The following FOXN3 variants were observed in gnomAD, a reference collection of about 807,000 sequenced individuals.
FOXN3 encodes the protein forkhead box N3, also known as forkhead box protein N3.
A neutral mutation model predicts 38.4 loss-of-function variants in FOXN3; 7 were observed. The observed-to-expected ratio is 0.18, with a 90% CI of 0.10 to 0.34. The LOEUF (loss-of-function observed/expected upper bound fraction) is 0.34. Ranked by LOEUF, FOXN3 falls within the 10% of genes least tolerant of loss-of-function variation. The pLI, the probability that FOXN3 is intolerant of heterozygous loss-of-function variation, is 1.00. For synonymous variants in FOXN3, 230 were observed against 242.2 expected, an observed-to-expected ratio of 0.95 and a Z score of 0.47; for missense variants, 456 against 613.4, an observed-to-expected ratio of 0.74 and a Z score of 2.71.
At chr14:89,166,661 GACATAA>G (rs1887250200) in intron 5 of FOXN3, among the ~76,000 whole-genome samples, 1 of 152,216 alleles carries the variant, frequency 6.6e-6, no homozygotes, top group Non-Finnish European at 1.5e-5. Context: ...CAGGTACACA[GACATAA>G]CTTCAGGGAG....
At chr14:89,457,536 G>T (rs1317435695) in intron 1 of FOXN3, among the ~76,000 whole-genome samples, 1 of 152,142 alleles carries the variant, frequency 6.6e-6, no homozygotes, top group African/African-American at 2.4e-5. Flanking sequence ...GACAATGGGG[G>T]ACAACAATAG....
At chr14:89,245,166 C>T (rs1283174139) in intron 4 of FOXN3, among the ~76,000 whole-genome samples, 1 of 152,014 alleles carries the variant, frequency 6.6e-6, no homozygotes, top group Non-Finnish European at 1.5e-5. Context: ...AAAAGGAATG[C>T]TAAAACGTGA....
chr14:89,173,550 T>A (rs1266186549), intron 5 of FOXN3, among the ~76,000 whole-genome samples: 3 of 152,078 alleles, frequency 2.0e-5, no homozygotes, highest in East Asian at 1.9e-4. Flanking sequence ...ATGTCTTTTT[T>A]AAAAAAATGA....
intron 3 of FOXN3, among the ~76,000 whole-genome samples, chr14:89,297,144 TA>T (rs534268876): frequency 4.3e-4 from 65 of 152,174 alleles, no homozygotes; most frequent in African/African-American, 1.5e-3. Context: ...GAAAGGCAAG[TA>T]AAGGGAAAAG....
At position 89,346,496 on chromosome 14, in the gene FOXN3, A is replaced by G. The variant is rs552883372; in HGVS notation, c.680+4176T>C. On this transcript the variant is annotated intron_variant, in intron 3 of 5. Transcript: ENST00000557258. ...AATGTCCCTGCTGAAGGACAAAATC[A>G]TTGTTTGATGTTTTTCCCATGACTA... Among the ~76,000 whole-genome samples the G allele has an allele frequency of 9.2e-5, 14 of 152,248 alleles. No homozygotes were observed. The South Asian group carries it at 2.3e-3, about 25-fold the overall frequency.
At chr14:89,438,775 T>C (rs554771279) in intron 1 of FOXN3, among the ~76,000 whole-genome samples, 1 of 152,276 alleles carries the variant, frequency 6.6e-6, no homozygotes, top group East Asian at 1.9e-4. Context: ...CTTTCTTTTT[T>C]TTTTTGAGAC....
At chr14:89,357,005 T>C (rs971183477) in intron 2 of FOXN3, among the ~76,000 whole-genome samples, 1 of 152,050 alleles carries the variant, frequency 6.6e-6, no homozygotes, top group African/African-American at 2.4e-5. Flanking sequence ...AAGATGACCA[T>C]GGGTGTTGGT....
intron 2 of FOXN3, among the ~76,000 whole-genome samples, chr14:89,365,442 C>T (rs530171029): frequency 2.0e-5 from 3 of 152,104 alleles, no homozygotes; most frequent in Non-Finnish European, 4.4e-5. Context: ...CTGCTAAGTT[C>T]TAATAAAGAA....
At chr14:89,461,880 T>C (rs1391292170) in intron 1 of FOXN3, among the ~76,000 whole-genome samples, 1 of 152,158 alleles carries the variant, frequency 6.6e-6, no homozygotes, top group African/African-American at 2.4e-5. Flanking sequence ...CACCCAGGCA[T>C]CCAATTCTTA....
chr14:89,215,961 C>T (rs1366195477), intron 4 of FOXN3, among the ~76,000 whole-genome samples: 1 of 152,180 alleles, frequency 6.6e-6, no homozygotes, highest in Non-Finnish European at 1.5e-5. Flanking sequence ...CAGTGACCTC[C>T]TGATAAAGTA....
At chr14:89,259,854 ATGTTT>A (rs1885741350) in intron 4 of FOXN3, among the ~76,000 whole-genome samples, 1 of 152,224 alleles carries the variant, frequency 6.6e-6, no homozygotes, top group African/African-American at 2.4e-5. Context: ...CATATTAAAT[ATGTTT>A]TAAGATTACA....
At chr14:89,301,313 A>G (rs1202584393) in intron 3 of FOXN3, among the ~76,000 whole-genome samples, 2 of 2,518 alleles carry the variant, frequency 7.9e-4, no homozygotes, top group Non-Finnish European at 1.9e-3. Flanking sequence ...TCTACAAAAG[A>G]AAAAAAAAAA....
chr14:89,178,173 ATT>A (rs777561153), intron 5 of FOXN3, among the ~76,000 whole-genome samples: 9 of 132,966 alleles, frequency 6.8e-5, no homozygotes, highest in Admixed American at 7.4e-5. Context: ...TGCCCAGGTC[ATT>A]TTTTTTTTTT....
At chr14:89,440,075 G>A (rs911903504) in intron 1 of FOXN3, among the ~76,000 whole-genome samples, 3 of 152,198 alleles carry the variant, frequency 2.0e-5, no homozygotes, top group South Asian at 4.1e-4. Flanking sequence ...TCCTGTAACG[G>A]TGCTATTATC....
upstream of FOXN3, among the ~76,000 whole-genome samples, chr14:89,421,145 CTTTTTTT>C (rs570024684): frequency 1.8e-5 from 2 of 108,182 alleles, no homozygotes; most frequent in Non-Finnish European, 3.7e-5. Flanking sequence ...TTCTTTCTTT[CTTTTTTT>C]TTTTTTTTTT....
intron 2 of FOXN3, among the ~76,000 whole-genome samples, chr14:89,363,954 A>ATATATATAT (rs1889995201): frequency 3.8e-4 from 1 of 2,642 alleles, no homozygotes; most frequent in Non-Finnish European, 3.1e-3. Context: ...TAAAATATAT[A>ATATATATAT]TATATATATA....
chr14:89,200,368 G>A (rs1888205823), intron 4 of FOXN3, among the ~76,000 whole-genome samples: 3 of 152,154 alleles, frequency 2.0e-5, no homozygotes, highest in African/African-American at 4.8e-5. Context: ...AATCAGGAAG[G>A]GGATTCTAGG....
intron 1 of FOXN3, among the ~76,000 whole-genome samples, chr14:89,470,737 G>C (rs1893077019): frequency 6.6e-6 from 1 of 152,190 alleles, no homozygotes; most frequent in South Asian, 2.1e-4. Context: ...CAACAAGCCA[G>C]GCACAGACAC....
chr14:89,339,882 G>C (rs1001694424), intron 3 of FOXN3, among the ~76,000 whole-genome samples: 1 of 152,184 alleles, frequency 6.6e-6, no homozygotes, highest in African/African-American at 2.4e-5. Flanking sequence ...CCTCCCACGC[G>C]GGACTCTGCT....
Sources: gnomAD v4.1 joint callset for allele counts (sites outside exome capture counted in the v4.1 genomes callset) on GRCh38, gnomAD v4.1.1 for gene constraint, MANE v1.5 for transcripts, NCBI Gene and HGNC (gene_info 2026-07-23, HGNC 2026-07-21) for gene names.